The following SMIM13 variants were observed in gnomAD, a reference collection of about 807,000 sequenced individuals.
SMIM13 encodes the protein small integral membrane protein 13.
A neutral mutation model predicts 5.9 loss-of-function variants in SMIM13; 3 were observed. That is an observed-to-expected ratio of 0.51 (90% CI 0.23 to 1.31). The LOEUF (loss-of-function observed/expected upper bound fraction) is 1.31, where lower values mean the gene tolerates loss of function less well. Ranked by LOEUF, SMIM13 falls within the 40% of genes most tolerant of loss-of-function variation. SMIM13 has a pLI of 0.18. For synonymous variants in SMIM13, 55 were observed against 46.0 expected (o/e 1.19, Z -0.79); for missense variants, 85 against 109.9 (o/e 0.77, Z 1.01).
chr6:11,121,912 C>T (rs1176108358), intron 1 of SMIM13, among the ~76,000 whole-genome samples: 1 of 100,708 alleles, frequency 9.9e-6, no homozygotes, highest in Non-Finnish European at 2.1e-5. Flanking sequence ...CCCTTACATA[C>T]ATACCTACAC....
intron 1 of SMIM13, among the ~76,000 whole-genome samples, chr6:11,122,286 A>G (rs7452259): frequency 0.77 from 117,367 of 152,200 alleles, 46,035 homozygotes; most frequent in African/African-American, 0.91. Context: ...CTCTTATGAA[A>G]GGTGCAGTGT....
intron 1 of SMIM13, among the ~76,000 whole-genome samples, chr6:11,127,417 T>TA (rs112393201): frequency 2.0e-5 from 3 of 152,358 alleles, no homozygotes; most frequent in African/African-American, 7.2e-5. Flanking sequence ...CCACAGGGAC[T>TA]ACTGTCTTCC....
chr6:11,130,227 C>A (rs1758434268), intron 1 of SMIM13, among the ~76,000 whole-genome samples: 1 of 148,600 alleles, frequency 6.7e-6, no homozygotes, highest in African/African-American at 2.5e-5. Context: ...CTTTGTACTC[C>A]CAACCTATCA....
At chr6:11,113,314 AT>A (rs554588319) in intron 1 of SMIM13, among the ~76,000 whole-genome samples, 2 of 152,286 alleles carry the variant, frequency 1.3e-5, no homozygotes, top group African/African-American at 4.8e-5. Context: ...TCTGTTTTTA[AT>A]TTAGCCATTC....
chr6:11,100,538 T>C (rs901772850), intron 1 of SMIM13, among the ~76,000 whole-genome samples: 9 of 152,230 alleles, frequency 5.9e-5, no homozygotes, highest in Admixed American at 5.9e-4. Context: ...TTCTCTATTA[T>C]CCTCTTCTGT....
intron 1 of SMIM13, among the ~76,000 whole-genome samples, chr6:11,114,179 C>G (rs1758206575): frequency 6.6e-6 from 1 of 151,864 alleles, no homozygotes; most frequent in South Asian, 2.1e-4. Flanking sequence ...GGGATTTCAC[C>G]ATGTTGGCCA....
chr6:11,104,713 A>G (rs1561752857), intron 1 of SMIM13: 5 of 1,614,250 alleles, frequency 3.1e-6, no homozygotes, highest in Non-Finnish European at 4.2e-6. Flanking sequence ...CGAGTACTGC[A>G]TGAGCTTGGG....
chr6:11,111,618 A>C (rs947022045), intron 1 of SMIM13: 2 of 152,244 alleles, frequency 1.3e-5, no homozygotes, highest in African/African-American at 4.8e-5. Flanking sequence ...GGAGAACGAA[A>C]CCACGTACGA....
At chr6:11,117,163 G>GTTTTTT (rs1561756941) in intron 1 of SMIM13, among the ~76,000 whole-genome samples, 1 of 100,636 alleles carries the variant, frequency 9.9e-6, no homozygotes, top group Non-Finnish European at 2.1e-5. Flanking sequence ...GCTAATTTTT[G>GTTTTTT]TATTTTTTTT....
chr6:11,131,758 A>C (rs114557660), intron 1 of SMIM13, among the ~76,000 whole-genome samples: 1 of 152,302 alleles, frequency 6.6e-6, no homozygotes, highest in South Asian at 2.1e-4. Flanking sequence ...CCCCTCTCTT[A>C]TACCAAAATT....
intron 1 of SMIM13, among the ~76,000 whole-genome samples, chr6:11,111,081 C>T (rs941193750): frequency 3.9e-5 from 6 of 152,190 alleles, no homozygotes; most frequent in East Asian, 1.9e-4. Context: ...GGAGGTCATC[C>T]GAGCTGGTAG....
intron 1 of SMIM13, among the ~76,000 whole-genome samples, chr6:11,101,865 A>G (rs1757998462): frequency 6.6e-6 from 1 of 150,996 alleles, no homozygotes; most frequent in Non-Finnish European, 1.5e-5. Flanking sequence ...TCAGCCACCC[A>G]AGTAGCTGTA....
chr6:11,116,374 G>A (rs977432633), intron 1 of SMIM13, among the ~76,000 whole-genome samples: 2 of 152,190 alleles, frequency 1.3e-5, no homozygotes, highest in Non-Finnish European at 2.9e-5. Context: ...ACATTCAAGA[G>A]GAGGAGTCAT....
Position 11,134,397 on chromosome 6 carries a change from C to A in SMIM13, c.77-6C>A. The A allele has an allele frequency of 6.5e-7, 1 of 1,548,652 alleles. No homozygotes were observed. The highest frequency in any genetic ancestry group is 1.2e-5 in the South Asian group (1 of 83,656). On this transcript the variant is annotated splice_region_variant and splice_polypyrimidine_tract_variant and intron_variant, in intron 1 of 1. Transcript: ENST00000416247. Reference sequence around the variant, plus strand: ...CTTTTCTTAATGTTTTTGTCTTTCTCTGTAGGTTGGTATTTTGTATGGCAT... The same window carrying A: ...CTTTTCTTAATGTTTTTGTCTTTCTATGTAGGTTGGTATTTTGTATGGCAT...
intron 1 of SMIM13, among the ~76,000 whole-genome samples, chr6:11,133,027 A>G (rs72825147): frequency 0.026 from 3,994 of 152,276 alleles, 68 homozygotes; most frequent in South Asian, 0.073. Context: ...GAAAATGCCT[A>G]ATGCCAGGCA....
intron 1 of SMIM13, chr6:11,104,499 G>C: frequency 6.4e-7 from 1 of 1,557,058 alleles, no homozygotes; most frequent in South Asian, 1.2e-5. Flanking sequence ...TTCTGAGACT[G>C]CTGATATGCC....
At chr6:11,112,537 A>T (rs948160290) in intron 1 of SMIM13, among the ~76,000 whole-genome samples, 1 of 151,726 alleles carries the variant, frequency 6.6e-6, no homozygotes, top group Non-Finnish European at 1.5e-5. Flanking sequence ...ACAGGCATGA[A>T]CCACCACACC....
chr6:11,110,571 T>C (rs1397384801), intron 1 of SMIM13, among the ~76,000 whole-genome samples: 1 of 152,128 alleles, frequency 6.6e-6, no homozygotes, highest in African/African-American at 2.4e-5. Context: ...TGGAGGTGAT[T>C]AGAGGAATGG....
intron 1 of SMIM13, among the ~76,000 whole-genome samples, chr6:11,125,231 G>A (rs571152927): frequency 1.7e-4 from 25 of 144,388 alleles, no homozygotes; most frequent in Non-Finnish European, 3.3e-4. Flanking sequence ...GGAGGCAGAG[G>A]TTGCAGTGAG....
Sources: allele counts gnomAD v4.1 joint callset (sites outside exome capture counted in the v4.1 genomes callset), GRCh38; gene constraint gnomAD v4.1.1; transcripts MANE v1.5; gene names NCBI Gene and HGNC (gene_info 2026-07-23, HGNC 2026-07-21).